The following PDCD6 variants were observed in gnomAD, a reference collection of about 807,000 sequenced individuals.
The protein encoded by PDCD6 is programmed cell death protein 6.
In PDCD6, 12 loss-of-function variants were observed where a neutral mutation model predicts 28.3. That is an observed-to-expected ratio of 0.42 (90% CI 0.27 to 0.69). PDCD6 has a LOEUF of 0.69. Ranked by LOEUF, PDCD6 falls within the 30% of genes least tolerant of loss-of-function variation. The pLI is 0.22. For missense variants in PDCD6, 226 were observed against 269.9 expected, an observed-to-expected ratio of 0.84 and a Z score of 1.14; for synonymous variants, 92 against 108.0, an observed-to-expected ratio of 0.85 and a Z score of 0.92.
At chr5:273,627 C>A (rs1283357516) in intron 2 of PDCD6, among the ~76,000 whole-genome samples, 1 of 152,124 alleles carries the variant, frequency 6.6e-6, no homozygotes, top group Admixed American at 6.5e-5. Flanking sequence ...TCTGAAGTTG[C>A]CAGAGACTGA....
chr5:306,862 G>T (rs759135240), intron 4 of PDCD6, 102 bp downstream of exon 4: 82 of 1,230,110 alleles, frequency 6.7e-5, no homozygotes, highest in Non-Finnish European at 9.3e-5. Flanking sequence ...GTCTAACCAG[G>T]CTACGTAAAG....
chr5:278,244 A>C (rs1279074512), intron 2 of PDCD6, among the ~76,000 whole-genome samples: 1 of 152,194 alleles, frequency 6.6e-6, no homozygotes, highest in African/African-American at 2.4e-5. Context: ...ATCTATTAAA[A>C]ATATTTATTT....
At chr5:280,011 A>G in intron 2 of PDCD6, among the ~76,000 whole-genome samples, 2 of 141,436 alleles carry the variant, frequency 1.4e-5, no homozygotes, top group African/African-American at 2.6e-5. Context: ...GTGGGCAGGG[A>G]GCGATATTTC....
At chr5:286,094 A>AC (rs1561035997) in intron 2 of PDCD6, among the ~76,000 whole-genome samples, 2 of 140,132 alleles carry the variant, frequency 1.4e-5, no homozygotes, top group African/African-American at 5.5e-5. Flanking sequence ...CTGAGGACCC[A>AC]GGGGGGAGCT....
chr5:290,551 G>T (rs986039173), intron 2 of PDCD6, among the ~76,000 whole-genome samples: 3 of 152,190 alleles, frequency 2.0e-5, no homozygotes, highest in African/African-American at 7.2e-5. Context: ...ATGGCGCCTG[G>T]CACGTCACCC....
At chr5:273,020 A>G (rs1481610921) in intron 2 of PDCD6, 1 of 562,470 alleles carries the variant, frequency 1.8e-6, no homozygotes, top group East Asian at 3.0e-5. Context: ...TTGAGAAATG[A>G]AAACTAGATT....
intron 2 of PDCD6, among the ~76,000 whole-genome samples, chr5:288,355 G>T (rs1739114874): frequency 1.3e-5 from 2 of 148,156 alleles, no homozygotes; most frequent in Non-Finnish European, 3.0e-5. Flanking sequence ...TACGTAGCCG[G>T]ACAATAAAAT....
At chr5:275,800 A>G (rs1446028275) in intron 2 of PDCD6, among the ~76,000 whole-genome samples, 1 of 152,166 alleles carries the variant, frequency 6.6e-6, no homozygotes, top group Admixed American at 6.5e-5. Flanking sequence ...TGCGATTTGA[A>G]GCCTGATTTA....
At chr5:293,011 C>T (rs1203314884) in intron 2 of PDCD6, among the ~76,000 whole-genome samples, 1 of 152,188 alleles carries the variant, frequency 6.6e-6, no homozygotes, top group African/African-American at 2.4e-5. Flanking sequence ...TCATTGGTGG[C>T]ATTTCTCAAG....
intron 2 of PDCD6, among the ~76,000 whole-genome samples, chr5:284,081 G>T (rs755906389): frequency 1.3e-5 from 2 of 152,052 alleles, no homozygotes; most frequent in Non-Finnish European, 2.9e-5. Flanking sequence ...GGGAGGAGCT[G>T]ATGTTCTAGA....
At chr5:289,442 G>A (rs1739185263) in intron 2 of PDCD6, 8 of 691,404 alleles carry the variant, frequency 1.2e-5, no homozygotes, top group Admixed American at 2.3e-5. Flanking sequence ...TTCTGTACGC[G>A]CTGCCGGGTA....
In PDCD6 at chr5:290,358, C is replaced by T. The variant is rs1579506879; in HGVS notation, c.164-13819C>T. On this transcript the variant is annotated intron_variant, in intron 2 of 5. Coordinates refer to ENST00000264933, the MANE Select transcript of PDCD6 (RefSeq NM_013232.4). ...GTCCCTCACAGCCTCCGCCTCCCTC[C>T]GCAGGTCTCTTGGGGACCGGAATGC... 1.1e-5 allele frequency: 12 copies of T among 1,073,628 alleles called. No homozygotes were observed. The East Asian group carries it at 1.2e-4, about 11-fold the overall frequency. 66.5% of individuals were successfully genotyped at this position (1,073,628 alleles called of 1,614,324 possible). A position where few individuals can be genotyped will look rare whatever the true frequency, so the allele number is the denominator to read the frequency against.
chr5:286,372 G>C (rs77603245), intron 2 of PDCD6, among the ~76,000 whole-genome samples: 324 of 151,774 alleles, frequency 2.1e-3, no homozygotes, highest in African/African-American at 7.3e-3. Flanking sequence ...CTGGAGATCC[G>C]GGGGTGAGCT....
Position 271,664 on chromosome 5 carries a change from G to A in PDCD6, c.-57G>A, listed in dbSNP as rs773568152. 11 of 1,006,258 alleles carry A rather than the reference G, an allele frequency of 1.1e-5. No homozygotes were observed. The African/African-American group carries it at 1.1e-4, about 10-fold the overall frequency. 62.3% of individuals were successfully genotyped at this position (1,006,258 alleles called of 1,614,324 possible). A position where few individuals can be genotyped will look rare whatever the true frequency, so the allele number is the denominator to read the frequency against. ...CCCCGGCAGAGGCGGAAGCGGAGTCGGCCTGAGAGGTCTCTCGTCGCTGCA... is the reference window on the plus strand; with the variant it reads ...CCCCGGCAGAGGCGGAAGCGGAGTCAGCCTGAGAGGTCTCTCGTCGCTGCA... On this transcript the variant is annotated 5_prime_UTR_variant, in exon 1 of 6. Transcript: ENST00000264933.
intron 2 of PDCD6, among the ~76,000 whole-genome samples, chr5:302,666 A>C (rs1486164269): frequency 7.1e-6 from 1 of 140,724 alleles, no homozygotes; most frequent in Non-Finnish European, 1.5e-5. Flanking sequence ...TCCCCGCATA[A>C]CTGCTGGAGG....
At chr5:299,852 A>ATT (rs542188646) in intron 2 of PDCD6, among the ~76,000 whole-genome samples, 14,260 of 149,458 alleles carry the variant, frequency 0.095, 851 homozygotes, top group Non-Finnish European at 0.12. Context: ...CCCAGCTGGT[A>ATT]TTTTTTTTTT....
At chr5:292,251 T>C (rs976072442) in intron 2 of PDCD6, among the ~76,000 whole-genome samples, 3 of 152,150 alleles carry the variant, frequency 2.0e-5, no homozygotes, top group Non-Finnish European at 4.4e-5. Flanking sequence ...GCACTTTTCT[T>C]TTATTATTCC....
rs1179534873 is a variant in PDCD6 at position 307,391 on chromosome 5, C to T, written c.367+631C>T. On this transcript the variant is annotated intron_variant, in intron 4 of 5. Coordinates refer to ENST00000264933, the MANE Select transcript of PDCD6 (RefSeq NM_013232.4). This position sits in a 1 kb window ranked among gnomAD's most constrained non-coding sequence, Gnocchi z 6.1. ...CGTGTGCCGTGCGCCTCAGAAGGGGCGTTAGGCAGAACGCGTGCCCATTCT... is the reference window on the plus strand; with the variant it reads ...CGTGTGCCGTGCGCCTCAGAAGGGGTGTTAGGCAGAACGCGTGCCCATTCT... Among the ~76,000 whole-genome samples the T allele has an allele frequency of 2.7e-5, 4 of 150,826 alleles. No individual in the cohort carries two copies. The highest frequency in any genetic ancestry group is 4.3e-4 in the South Asian group (2 of 4,700).
At position 314,385 on chromosome 5, in the gene PDCD6, T is replaced by C. The variant is rs1393178612; in HGVS notation, c.478-32T>C. On this transcript the variant is annotated intron_variant, in intron 5 of 5. Coordinates refer to ENST00000264933, the MANE Select transcript of PDCD6 (RefSeq NM_013232.4). ...AGTGCACCTTGCTCCTTCCATTTAC[T>C]ATCGAGATTTAAATGCCTGTTTTCT... The C allele has an allele frequency of 3.3e-6, 5 of 1,504,462 alleles. No individual in the cohort carries two copies. In the African/African-American group the frequency reaches 5.5e-5, roughly 17 times the overall value. The allele number at this position is 1,504,462 out of a possible 1,614,324, so 93.2% of individuals were successfully genotyped here.
Sources: gnomAD v4.1 joint callset for allele counts (sites outside exome capture counted in the v4.1 genomes callset) on GRCh38, gnomAD v4.1.1 for gene constraint, Gnocchi (gnomAD v3.1) non-coding constraint, MANE v1.5 for transcripts, NCBI Gene and HGNC (gene_info 2026-07-23, HGNC 2026-07-21) for gene names.